The following KCNT2 variants were observed in gnomAD, a reference collection of about 807,000 sequenced individuals.
KCNT2 encodes potassium channel subfamily T member 2.
A neutral mutation model predicts 153.8 loss-of-function variants in KCNT2; 67 were observed. The observed-to-expected ratio is 0.44, with a 90% CI of 0.36 to 0.53. The LOEUF is 0.53. KCNT2 is among the 20% of genes least tolerant of loss of function. The probability of loss-of-function intolerance (pLI) is 0.00; values close to 1 mark genes in which losing one functional copy is unlikely to be tolerated. For synonymous variants in KCNT2, 500 were observed against 458.8 expected (o/e 1.09, Z -1.15); for missense variants, 975 against 1,354.8 (o/e 0.72, Z 4.40).
intron 1 of KCNT2, among the ~76,000 whole-genome samples, chr1:196,602,770 A>ATTT (rs148932905): frequency 0.01 from 861 of 84,628 alleles, 227 homozygotes; most frequent in African/African-American, 0.044. Flanking sequence ...TTCAAAGTCT[A>ATTT]TTTTTTTTTT....
At chr1:196,451,183 ATT>A (rs1676129779) in intron 8 of KCNT2, among the ~76,000 whole-genome samples, 1 of 119,042 alleles carries the variant, frequency 8.4e-6, no homozygotes, top group Non-Finnish European at 1.8e-5. Context: ...AAATATTCGC[ATT>A]GTTAGTGCTA....
chr1:196,449,660 TATG>T (rs1393534649), intron 8 of KCNT2, among the ~76,000 whole-genome samples: 3 of 151,546 alleles, frequency 2.0e-5, no homozygotes, highest in Non-Finnish European at 4.4e-5. Flanking sequence ...TTTCATCATA[TATG>T]ATGAAATAAT....
intron 1 of KCNT2, among the ~76,000 whole-genome samples, chr1:196,604,674 C>T (rs550868692): frequency 7.9e-5 from 12 of 151,286 alleles, no homozygotes; most frequent in African/African-American, 2.2e-4. Flanking sequence ...CTAAGGATGG[C>T]GTAAAGATAA....
chr1:196,240,605 G>A (rs1654865480), intron 26 of KCNT2, among the ~76,000 whole-genome samples: 1 of 152,142 alleles, frequency 6.6e-6, no homozygotes, highest in East Asian at 1.9e-4. Context: ...AGATAGAAGG[G>A]CAAATGGCAT....
At chr1:196,339,993 G>A (rs1406782021) in intron 16 of KCNT2, among the ~76,000 whole-genome samples, 4 of 151,950 alleles carry the variant, frequency 2.6e-5, no homozygotes, top group African/African-American at 9.7e-5. Flanking sequence ...TAAAATGATT[G>A]TTGATTGTGT....
chr1:196,354,486 T>C lies in KCNT2; in HGVS notation c.1404-12258A>G, dbSNP rs557678293. 5.9e-5 allele frequency among the ~76,000 whole-genome samples: 9 copies of C among 151,932 alleles called. No homozygotes were observed. In the East Asian group the frequency reaches 1.7e-3, roughly 29 times the overall value. ...ACCTTGTCACAAGATAACTTTAATA[T>C]ATAATTCATTCTCCACCATGTAGTA... On this transcript the variant is annotated intron_variant, in intron 14 of 27. Transcript: ENST00000294725.
chr1:196,488,165 G>A (rs894488656), intron 3 of KCNT2, among the ~76,000 whole-genome samples: 4 of 151,724 alleles, frequency 2.6e-5, no homozygotes, highest in African/African-American at 9.7e-5. Flanking sequence ...TTCCTGAAAG[G>A]GATTTAAAAA....
chr1:196,434,696 T>C (rs1211107138), intron 8 of KCNT2, among the ~76,000 whole-genome samples: 1 of 151,980 alleles, frequency 6.6e-6, no homozygotes, highest in Non-Finnish European at 1.5e-5. Flanking sequence ...GAAGTCTATG[T>C]CTTCAGGTCC....
intron 12 of KCNT2, among the ~76,000 whole-genome samples, chr1:196,403,015 T>A (rs1008856321): frequency 1.3e-5 from 2 of 151,672 alleles, no homozygotes; most frequent in African/African-American, 2.4e-5. Flanking sequence ...GACAATTTCT[T>A]ACAAAACTAA....
In KCNT2 at chr1:196,500,081, T is replaced by C. The variant is rs1441155317; in HGVS notation, c.96-7740A>G. On this transcript the variant is annotated intron_variant, in intron 1 of 27. Transcript: ENST00000294725. ...ATCACTTGAACTTGGGAGGTGGAGA[T>C]TGCAGTGAGCTGAGATTGCACAACT... is the stretch of plus-strand genomic sequence containing the variant. 2.7e-5 allele frequency among the ~76,000 whole-genome samples: 4 copies of C among 150,576 alleles called. No individual in the cohort carries two copies. The South Asian group carries it at 6.3e-4, about 24-fold the overall frequency.
chr1:196,239,541 C>T (rs1654759239), intron 26 of KCNT2, among the ~76,000 whole-genome samples: 1 of 151,828 alleles, frequency 6.6e-6, no homozygotes, highest in South Asian at 2.1e-4. Context: ...GAATCATATT[C>T]CTATGGTTCT....
chr1:196,436,744 T>C (rs980405287), intron 8 of KCNT2, among the ~76,000 whole-genome samples: 20 of 151,014 alleles, frequency 1.3e-4, no homozygotes, highest in African/African-American at 4.4e-4. Context: ...GATTTTCTGA[T>C]AAATTAAATA....
chr1:196,311,831 T>C (rs1014643964), intron 21 of KCNT2, among the ~76,000 whole-genome samples: 4 of 151,856 alleles, frequency 2.6e-5, no homozygotes, highest in African/African-American at 9.6e-5. Flanking sequence ...TAATGACAGA[T>C]GCCAGTGACA....
At chr1:196,541,611 C>T (rs1656381870) in intron 1 of KCNT2, among the ~76,000 whole-genome samples, 1 of 152,052 alleles carries the variant, frequency 6.6e-6, no homozygotes, top group East Asian at 1.9e-4. Context: ...GCCCCAGAGA[C>T]TAAGATATTT....
intron 13 of KCNT2, among the ~76,000 whole-genome samples, chr1:196,383,072 G>A (rs1006673808): frequency 3.3e-5 from 5 of 152,142 alleles, no homozygotes; most frequent in African/African-American, 1.2e-4. Flanking sequence ...GGCAGACTAG[G>A]GAGTTCAGGT....
chr1:196,359,028 T>G (rs1365541341), intron 14 of KCNT2, among the ~76,000 whole-genome samples: 3 of 152,014 alleles, frequency 2.0e-5, no homozygotes, highest in African/African-American at 4.8e-5. Flanking sequence ...CCAAATTATC[T>G]GCTAAGGTGG....
intron 13 of KCNT2, among the ~76,000 whole-genome samples, chr1:196,386,133 A>G (rs1407690018): frequency 6.6e-6 from 1 of 152,166 alleles, no homozygotes; most frequent in African/African-American, 2.4e-5. Context: ...ACCAATAGCC[A>G]GCACCAACTT....
intron 19 of KCNT2, among the ~76,000 whole-genome samples, chr1:196,323,243 T>C (rs548979456): frequency 6.6e-6 from 1 of 151,968 alleles, no homozygotes; most frequent in Non-Finnish European, 1.5e-5. Context: ...TGGCACCATA[T>C]GTGGAAAGAA....
At chr1:196,545,920 C>A (rs982893241) in intron 1 of KCNT2, among the ~76,000 whole-genome samples, 1 of 151,920 alleles carries the variant, frequency 6.6e-6, no homozygotes, top group Non-Finnish European at 1.5e-5. Flanking sequence ...GAATAATATT[C>A]CTTTGTACGG....
Sources: gnomAD v4.1 joint callset for allele counts (sites outside exome capture counted in the v4.1 genomes callset) on GRCh38, gnomAD v4.1.1 for gene constraint, MANE v1.5 for transcripts, NCBI Gene and HGNC (gene_info 2026-07-23, HGNC 2026-07-21) for gene names.